RPL7A: variants seen among roughly 807,000 people sequenced by gnomAD.
RPL7A encodes large ribosomal subunit protein eL8.
For missense variants in RPL7A, 291 were observed against 338.2 expected, an observed-to-expected ratio of 0.86 and a Z score of 1.09; for synonymous variants, 158 against 128.2, an observed-to-expected ratio of 1.23 and a Z score of -1.57.
chr9:133,348,782 G>A (rs1836290940), intron 1 of RPL7A, 140 bp from the exon 2 acceptor site: 2 of 1,266,346 alleles, frequency 1.6e-6, no homozygotes, highest in Non-Finnish European at 2.3e-6. Flanking sequence ...GGTGGTGCTG[G>A]GGGGTTGCAG....
rs2129990176 is a variant in RPL7A at position 133,349,968 on chromosome 9, A to C, written c.331A>C (p.Lys111Gln). ...KYRPETKQEKKQRLLARAEKK... is the reference protein window; with the variant it reads ...KYRPETKQEKQQRLLARAEKK... Reference sequence around the variant, plus strand: ...CAGACCAGAGACAAAGCAAGAGAAGAAGCAGAGACTGTTGGCCCGGGCCGA... The same window carrying C: ...CAGACCAGAGACAAAGCAAGAGAAGCAGCAGAGACTGTTGGCCCGGGCCGA... Residue 111 changes from lysine (K) to glutamine (Q), a missense_variant, in exon 4 of 8, where the codon AAG becomes CAG. Lys to Gln is a moderately conservative substitution (Grantham distance 53). Transcript: ENST00000323345. The C allele has an allele frequency of 4.8e-5, 77 of 1,612,224 alleles. No homozygotes were observed. In the East Asian group the frequency reaches 4.9e-4, roughly 10 times the overall value.
chr9:133,350,931 A>G (rs1240771060), intron 6 of RPL7A, 71 bp from the exon 7 acceptor site: 4 of 1,553,566 alleles, frequency 2.6e-6, no homozygotes, highest in South Asian at 2.2e-5. Flanking sequence ...CTTGAGCTAA[A>G]AGGTATTTTT....
chr9:133,350,792 C>A, intron 6 of RPL7A, 65 bp downstream of exon 6: 2 of 1,604,004 alleles, frequency 1.2e-6, no homozygotes, highest in South Asian at 1.1e-5. Context: ...ACAGTTGTTT[C>A]CTTTTGCCTT....
At chr9:133,350,836 A>T (rs2129996408) in intron 6 of RPL7A, 109 bp downstream of exon 6, 1 of 1,569,216 alleles carries the variant, frequency 6.4e-7, no homozygotes, top group Non-Finnish European at 8.8e-7. Context: ...AAATATATTT[A>T]TCTGAACTTT....
At chr9:133,351,153 T>C (rs1836388159) in intron 7 of RPL7A, 82 bp downstream of exon 7, 2 of 1,550,396 alleles carry the variant, frequency 1.3e-6, no homozygotes, top group Non-Finnish European at 1.8e-6. Context: ...TATGAGAAGT[T>C]CTATCTGACG....
intron 1 of RPL7A, 139 bp from the exon 2 acceptor site, chr9:133,348,783 G>C: frequency 1.6e-6 from 2 of 1,275,278 alleles, no homozygotes; most frequent in Non-Finnish European, 2.3e-6. Flanking sequence ...GTGGTGCTGG[G>C]GGGTTGCAGA....
rs2129999293 is a variant in RPL7A, at chr9:133,351,315, C to T, written c.750C>T (p.Ile250=). 66 of 1,613,766 alleles carry T rather than the reference C, an allele frequency of 4.1e-5. No individual in the cohort carries two copies. The highest frequency in any genetic ancestry group is 8.8e-5 in the South Asian group (8 of 91,076). Residue 250 remains isoleucine (I), a synonymous_variant, in exon 8 of 8, where the codon ATC becomes ATT. Coordinates refer to ENST00000323345, the MANE Select transcript of RPL7A (RefSeq NM_000972.3). ...NVLGPKSVAR[I]AKLEKAKAKE... ...TGGGTCCTAAGTCTGTGGCTCGTAT[C>T]GCCAAGCTCGAAAAGGCAAAGGCTA...
At chr9:133,349,850 AGT>A in intron 3 of RPL7A, 60 bp from the exon 4 acceptor site, 1 of 1,593,192 alleles carries the variant, frequency 6.3e-7, no homozygotes. Flanking sequence ...TTTGTTATTA[AGT>A]GTTAAGTGAC....
chr9:133,349,831 A>G, intron 3 of RPL7A, 81 bp from the exon 4 acceptor site: 1 of 1,578,602 alleles, frequency 6.3e-7, no homozygotes, highest in Non-Finnish European at 8.6e-7. Flanking sequence ...GCAGGACCGC[A>G]GTCCAGCATT....
At position 133,350,275 on chromosome 9, in the gene RPL7A, A is replaced by C; in HGVS notation, c.451A>C (p.Lys151Gln). The change falls in exon 5 of 8, where the codon AAA (lysine) becomes CAA (glutamine). Residue 151 changes from lysine to glutamine, a missense_variant. By Grantham distance (53) the Lys-to-Gln change is moderately conservative. Coordinates refer to ENST00000323345, the MANE Select transcript of RPL7A (RefSeq NM_000972.3). ...NTVTTLVENKKAQLVVIAHDV... is the reference protein window; with the variant it reads ...NTVTTLVENKQAQLVVIAHDV... ...CGTCACCACCTTGGTGGAGAACAAG[A>C]AAGCTCAGCTGGTGGTGATTGCACA... 1 of 1,614,044 alleles carries C rather than the reference A, an allele frequency of 6.2e-7. No homozygotes were observed. The highest frequency in any genetic ancestry group is 1.1e-5 in the South Asian group (1 of 91,064).
At chr9:133,349,087 A>C (rs2129983439) in intron 2 of RPL7A, 45 bp downstream of exon 2, 3 of 1,606,390 alleles carry the variant, frequency 1.9e-6, no homozygotes, top group East Asian at 2.2e-5. Flanking sequence ...GTTTTTCTCA[A>C]GGGAAGGTGG....
Position 133,349,627 on chromosome 9 carries a change from A to G in RPL7A, c.201A>G (p.Arg67=), listed in dbSNP as rs1836325723. 1.9e-6 allele frequency: 3 copies of G among 1,614,054 alleles called. No homozygotes were observed. Among genetic ancestry groups the G allele is most frequent in the Non-Finnish European group, 2.5e-6 (3 of 1,180,012 alleles). The change falls in exon 3 of 8, where the codon AGA becomes AGG. Residue 67 remains arginine, a synonymous_variant. Transcript: ENST00000323345. ...GCTATATCAGGTTGCAGCGGCAGAG[A>G]GCCATCCTCTATAAGCGGCTGAAAG... is the stretch of plus-strand genomic sequence containing the variant. ...WPRYIRLQRQ[R]AILYKRLKVP...
Position 133,349,978 on chromosome 9 carries a change from T to G in RPL7A, c.341T>G (p.Leu114Arg), listed in dbSNP as rs1351305886. 11 of 1,612,326 alleles carry G rather than the reference T, an allele frequency of 6.8e-6. No homozygotes were observed. The highest frequency in any genetic ancestry group is 9.3e-6 in the Non-Finnish European group (11 of 1,180,038). The change falls in exon 4 of 8, where the codon CTG becomes CGG. Residue 114 changes from leucine to arginine, a missense_variant. Transcript: ENST00000323345. ...PETKQEKKQRLLARAEKKAAG... is the reference protein window; with the variant it reads ...PETKQEKKQRRLARAEKKAAG... ...ACAAAGCAAGAGAAGAAGCAGAGAC[T>G]GTTGGCCCGGGCCGAGAAGAAGGCT...
chr9:133,348,938 C>T lies in RPL7A; in HGVS notation c.20C>T (p.Ala7Val), dbSNP rs2129982307. 7.4e-6 allele frequency: 12 copies of T among 1,613,768 alleles called. No homozygotes were observed. In the East Asian group the frequency reaches 2.5e-4, roughly 33 times the overall value. Residue 7 changes from alanine (A) to valine (V), a missense_variant, in exon 2 of 8, where the codon GCC becomes GTC. Coordinates refer to ENST00000323345, the MANE Select transcript of RPL7A (RefSeq NM_000972.3). Reference sequence around the variant, plus strand: ...TCTGCCCAGCCGAAAGGAAAGAAGGCCAAGGGAAAGAAGGTGGCTCCGGCC... The same window carrying T: ...TCTGCCCAGCCGAAAGGAAAGAAGGTCAAGGGAAAGAAGGTGGCTCCGGCC... Reference protein sequence around the residue: MPKGKKAKGKKVAPAPA... With the variant: MPKGKKVKGKKVAPAPA...
rs2129995723 is a variant in RPL7A, at chr9:133,350,737, C to T, written c.626+10C>T. ...TCACACAGGTGAACTCGTAAGTACA[C>T]AGCCTGGCCCCAAACTTCCCCCCAG... is the stretch of plus-strand genomic sequence containing the variant. On this transcript the variant is annotated intron_variant, in intron 6 of 7. Transcript: ENST00000323345. 1.2e-6 allele frequency: 2 copies of T among 1,611,156 alleles called. No individual in the cohort carries two copies. The highest frequency in any genetic ancestry group is 1.7e-6 in the Non-Finnish European group (2 of 1,177,396).
At chr9:133,349,425 C>A in intron 2 of RPL7A, 126 bp from the exon 3 acceptor site, 2 of 1,143,482 alleles carry the variant, frequency 1.7e-6, no homozygotes, top group Non-Finnish European at 2.7e-6. Context: ...TATTTGCTAT[C>A]TGAGAGATGG....
chr9:133,351,012 G>A lies in RPL7A; in HGVS notation c.637G>A (p.Gly213Ser), dbSNP rs1836384186. 1.9e-6 allele frequency: 3 copies of A among 1,614,116 alleles called. No homozygotes were observed. Among genetic ancestry groups the A allele is most frequent in the Non-Finnish European group, 2.5e-6 (3 of 1,180,002 alleles). ...AFTQVNSEDK[G>S]ALAKLVEAIR... ...CCTCCTGCCTTTTAGGGAAGACAAA[G>A]GCGCTTTGGCTAAGCTGGTGGAAGC... The change falls in exon 7 of 8, where the codon GGC becomes AGC. Residue 213 changes from glycine (G) to serine (S), a missense_variant. Coordinates refer to ENST00000323345, the MANE Select transcript of RPL7A (RefSeq NM_000972.3).
At chr9:133,349,324 T>C in intron 2 of RPL7A, 2 of 811,338 alleles carry the variant, frequency 2.5e-6, no homozygotes, top group South Asian at 1.3e-5. Context: ...GCAATTCTGC[T>C]GTACTTCGTG....
At chr9:133,348,508 C>T in intron 1 of RPL7A, 1 of 607,838 alleles carries the variant, frequency 1.6e-6, no homozygotes, top group South Asian at 2.0e-5. Flanking sequence ...AGGCCTGGAG[C>T]ACCGCAGTGC....
Sources: gnomAD v4.1 joint callset for allele counts on GRCh38, gnomAD v4.1.1 for gene constraint, MANE v1.5 for transcripts, NCBI Gene and HGNC (gene_info 2026-07-23, HGNC 2026-07-21) for gene names.